The following SLC35A3 variants were observed in gnomAD, a reference collection of about 807,000 sequenced individuals.
SLC35A3 encodes solute carrier family 35 member A3.
Under a neutral mutation model 39.0 loss-of-function variants are expected in SLC35A3, and 26 were observed. The ratio of observed to expected loss-of-function variants is 0.67; its 90% confidence interval spans 0.49 to 0.92. SLC35A3 has a LOEUF of 0.92. Among genes scored for constraint, SLC35A3 ranks in the 40% least tolerant of loss-of-function variants. The probability of loss-of-function intolerance (pLI) is 0.00; values close to 1 mark genes in which losing one functional copy is unlikely to be tolerated. For missense variants in SLC35A3, 299 were observed against 371.6 expected (o/e 0.80, Z 1.61); for synonymous variants, 135 against 133.1 (o/e 1.01, Z -0.10).
rs143729921 is a variant in SLC35A3, at chr1:99,974,192, T to C, written c.-19+4030T>C. ...AATTCATATATGCTATAAAACCAAT[T>C]TCAAACAGCATTTCTAATAGTATTT... On this transcript the variant is annotated intron_variant, in intron 1 of 7. Transcript: ENST00000533028. Among the ~76,000 whole-genome samples the C allele has an allele frequency of 1.3e-4, 20 of 152,262 alleles. No homozygotes were observed. The East Asian group carries it at 3.9e-3, about 29-fold the overall frequency.
chr1:99,998,099 G>A (rs1369358959), intron 2 of SLC35A3, among the ~76,000 whole-genome samples: 1 of 151,934 alleles, frequency 6.6e-6, no homozygotes, highest in Non-Finnish European at 1.5e-5. Flanking sequence ...ACCACTGGTT[G>A]GCAGCCTGTG....
chr1:99,999,443 TAAAA>T, intron 3 of SLC35A3, 28 bp downstream of exon 3: 1 of 1,515,186 alleles, frequency 6.6e-7, no homozygotes, highest in Middle Eastern at 2.2e-4. Context: ...CTTTCTTTTT[TAAAA>T]AAACTTTTTT....
chr1:99,984,878 ATCT>A (rs1429221752), intron 1 of SLC35A3, among the ~76,000 whole-genome samples: 4 of 152,090 alleles, frequency 2.6e-5, no homozygotes, highest in African/African-American at 9.7e-5. Flanking sequence ...CCATTTGTAT[ATCT>A]TCTTTTGAGA....
At position 99,993,645 on chromosome 1, in the gene SLC35A3, A is replaced by G. The variant is rs1475943393; in HGVS notation, c.91A>G (p.Lys31Glu). ...AACAATGCGTTATTCCAGAACTTTA[A>G]AAGAAGAAGGACCTCGTTATCTATC... ...VLTMRYSRTL[K>E]EEGPRYLSST... is the part of the protein sequence containing the mutation. The change falls in exon 2 of 8, where the codon AAA (lysine) becomes GAA (glutamate). Residue 31 changes from lysine (K) to glutamate (E), a missense_variant. Transcript: ENST00000533028. 1 of 1,614,040 alleles carries G rather than the reference A, an allele frequency of 6.2e-7. No individual in the cohort carries two copies. Among genetic ancestry groups the G allele is most frequent in the Non-Finnish European group, 8.5e-7 (1 of 1,179,948 alleles).
At chr1:99,973,024 A>G (rs1041265833) in intron 1 of SLC35A3, among the ~76,000 whole-genome samples, 2 of 152,238 alleles carry the variant, frequency 1.3e-5, no homozygotes, top group Non-Finnish European at 2.9e-5. Context: ...TTTACTTAGT[A>G]GAAATTCAAC....
rs149573643 is a variant in SLC35A3, at chr1:100,004,884, G to A, written c.343-2150G>A. Among the ~76,000 whole-genome samples, 4 of 151,762 alleles carry A rather than the reference G, an allele frequency of 2.6e-5. No homozygotes were observed. The East Asian group carries it at 7.8e-4, about 30-fold the overall frequency. The stretch of plus-strand genomic sequence containing the variant: ...CCTTCCAGGTAGCTAGACCACAATC[G>A]CACTCTACCATGCCTGTGCACGCCA... On this transcript the variant is annotated intron_variant, in intron 3 of 7. Transcript: ENST00000533028.
At position 100,031,490 on chromosome 1, in the gene SLC35A3, C is replaced by T. The variant is rs1425383073; in HGVS notation, c.*9014C>T. ...TAAGTTCAAATTCAAATACAATTGCCCCTCTGTAAACGTGGGGGATTGGTT... is the reference window on the plus strand; with the variant it reads ...TAAGTTCAAATTCAAATACAATTGCTCCTCTGTAAACGTGGGGGATTGGTT... On this transcript the variant is annotated 3_prime_UTR_variant, in exon 8 of 8. Coordinates refer to ENST00000533028, the MANE Select transcript of SLC35A3 (RefSeq NM_012243.3). 3 of 151,974 alleles carry T rather than the reference C, an allele frequency of 2.0e-5. No individual in the cohort carries two copies. The East Asian group carries it at 5.8e-4, about 29-fold the overall frequency. 9.4% of individuals were successfully genotyped at this position (151,974 alleles called of 1,614,324 possible). A position where few individuals can be genotyped will look rare whatever the true frequency, so the allele number is the denominator to read the frequency against.
Position 100,027,815 on chromosome 1 carries a change from T to C in SLC35A3, c.*5339T>C, listed in dbSNP as rs1660997924. On this transcript the variant is annotated 3_prime_UTR_variant, in exon 8 of 8. Coordinates refer to ENST00000533028, the MANE Select transcript of SLC35A3 (RefSeq NM_012243.3). ...TTTGGCAACCTCTCATGAAAAGCAC[T>C]AACTAAAAATATTTAATAATCTTTT... 1 of 152,154 alleles carries C rather than the reference T, an allele frequency of 6.6e-6. No individual in the cohort carries two copies. Among genetic ancestry groups the C allele is most frequent in the Admixed American group, 6.5e-5 (1 of 15,272 alleles). 9.4% of individuals were successfully genotyped at this position (152,154 alleles called of 1,614,324 possible). A position where few individuals can be genotyped will look rare whatever the true frequency, so the allele number is the denominator to read the frequency against.
At chr1:100,012,998 A>G (rs1477176134) in intron 5 of SLC35A3, among the ~76,000 whole-genome samples, 1 of 152,194 alleles carries the variant, frequency 6.6e-6, no homozygotes, top group Non-Finnish European at 1.5e-5. Context: ...ATAGTGTTGT[A>G]TGTGAGTTAA....
intron 1 of SLC35A3, among the ~76,000 whole-genome samples, chr1:99,971,109 A>G (rs533832992): frequency 1.4e-4 from 22 of 152,180 alleles, no homozygotes; most frequent in Non-Finnish European, 2.6e-4. Context: ...CCTCCATATT[A>G]CTTTTAAAGC....
chr1:99,991,410 C>T (rs979917668), intron 1 of SLC35A3, among the ~76,000 whole-genome samples: 6 of 152,222 alleles, frequency 3.9e-5, no homozygotes, highest in Non-Finnish European at 8.8e-5. Context: ...TCCCAAAGTG[C>T]TGGGATTACA....
intron 2 of SLC35A3, among the ~76,000 whole-genome samples, chr1:99,995,492 T>C (rs1455396596): frequency 1.3e-5 from 2 of 152,058 alleles, no homozygotes; most frequent in African/African-American, 4.8e-5. Context: ...CTGGCATGGC[T>C]TGTTAAAAGA....
At chr1:100,013,442 G>GTA (rs1461689444) in intron 5 of SLC35A3, among the ~76,000 whole-genome samples, 54 of 122,116 alleles carry the variant, frequency 4.4e-4, no homozygotes, top group Non-Finnish European at 7.9e-4. Flanking sequence ...ACAAAACTCT[G>GTA]TACAAAAAAA....
Position 100,007,117 on chromosome 1 carries a change from G to C in SLC35A3, c.426G>C (p.Leu142=). Residue 142 remains leucine (L), a synonymous_variant, in exon 4 of 8, where the codon CTG becomes CTC. Transcript: ENST00000533028. ...AAAAATTGGGTGTATACCAGTGGCTGTCCCTAGTAATTTTGATGACAGGAG... is the reference window on the plus strand; with the variant it reads ...AAAAATTGGGTGTATACCAGTGGCTCTCCCTAGTAATTTTGATGACAGGAG... ...LSKKLGVYQW[L]SLVILMTGVA... 1 of 1,611,648 alleles carries C rather than the reference G, an allele frequency of 6.2e-7. No homozygotes were observed. Among genetic ancestry groups the C allele is most frequent in the Non-Finnish European group, 8.5e-7 (1 of 1,178,830 alleles).
rs929161662 is a variant in SLC35A3, at chr1:100,030,640, C to T, written c.*8164C>T. ...AGAGGTTCAGTTAAATGTACTAAAT[C>T]AGACTTGTGTGATTTAGACACAAAA... On this transcript the variant is annotated 3_prime_UTR_variant, in exon 8 of 8. Coordinates refer to ENST00000533028, the MANE Select transcript of SLC35A3 (RefSeq NM_012243.3). 2.6e-5 allele frequency: 4 copies of T among 152,164 alleles called. No homozygotes were observed. Among genetic ancestry groups the T allele is most frequent in the African/African-American group, 9.7e-5 (4 of 41,426 alleles). The allele number at this position is 152,164 out of a possible 1,614,324, so 9.4% of individuals were successfully genotyped here.
intron 5 of SLC35A3, among the ~76,000 whole-genome samples, chr1:100,013,866 T>A (rs868431805): frequency 6.6e-6 from 1 of 152,182 alleles, no homozygotes; most frequent in Non-Finnish European, 1.5e-5. Flanking sequence ...TCCTTTCTAT[T>A]GTGGAATACT....
chr1:99,971,420 C>T (rs1010750642), intron 1 of SLC35A3, among the ~76,000 whole-genome samples: 1 of 151,998 alleles, frequency 6.6e-6, no homozygotes, highest in Admixed American at 6.6e-5. Flanking sequence ...CGTTCTCCTG[C>T]CTCAGCCTCC....
chr1:99,988,933 A>G (rs1021072757), intron 1 of SLC35A3, among the ~76,000 whole-genome samples: 16 of 152,014 alleles, frequency 1.1e-4, no homozygotes, highest in African/African-American at 3.1e-4. Context: ...AACCCAGCTA[A>G]TTATTTTTGT....
Position 100,022,627 on chromosome 1 carries a change from T to A in SLC35A3, c.*151T>A. 2.3e-6 allele frequency: 1 copy of A among 433,292 alleles called. No homozygotes were observed. 26.8% of individuals were successfully genotyped at this position (433,292 alleles called of 1,614,324 possible). A position where few individuals can be genotyped will look rare whatever the true frequency, so the allele number is the denominator to read the frequency against. On this transcript the variant is annotated 3_prime_UTR_variant, in exon 8 of 8. Coordinates refer to ENST00000533028, the MANE Select transcript of SLC35A3 (RefSeq NM_012243.3). ...TAAAAGTTTAAGGATAAGACATGTG[T>A]ATATGTAACAAAACACATTGCATCT...
Sources: allele counts gnomAD v4.1 joint callset (sites outside exome capture counted in the v4.1 genomes callset), GRCh38; gene constraint gnomAD v4.1.1; transcripts MANE v1.5; gene names NCBI Gene and HGNC (gene_info 2026-07-23, HGNC 2026-07-21).